Variants in AXDND1 observed in about 807,000 individuals in gnomAD.
AXDND1 encodes the protein axonemal dynein light chain domain containing 1.
In AXDND1, 110 loss-of-function variants were observed where a neutral mutation model predicts 137.5. The observed-to-expected ratio is 0.80, with a 90% confidence interval of 0.69 to 0.94. The LOEUF (loss-of-function observed/expected upper bound fraction) is 0.94. AXDND1 is among the 40% of genes least tolerant of loss of function. AXDND1 has a pLI of 0.00. For synonymous variants in AXDND1, 414 were observed against 399.7 expected (o/e 1.04, Z -0.43); for missense variants, 1,191 against 1,169.8 (o/e 1.02, Z -0.26).
At chr1:179,395,607 C>A (rs866443475) in intron 11 of AXDND1, among the ~76,000 whole-genome samples, 4 of 152,078 alleles carry the variant, frequency 2.6e-5, no homozygotes, top group Non-Finnish European at 5.9e-5. Context: ...ATATTACCTA[C>A]CTCATAGGTT....
Position 179,378,695 on chromosome 1 carries a change from G to A in AXDND1, c.433G>A (p.Val145Ile). Residue 145 changes from valine to isoleucine, a missense_variant, in exon 5 of 26, where the codon GTT (valine) becomes ATT (isoleucine). Physicochemically the swap from Val to Ile is conservative, Grantham distance 29. Transcript: ENST00000367618. The stretch of plus-strand genomic sequence containing the variant: ...CAAAGGACAGACTAGGGAGAAGGCA[G>A]TTTGTCCCCCACATTTGGCCCGTTC... ...YAKGQTREKA[V>I]CPPHLARSLQ... 2 of 1,600,246 alleles carry A rather than the reference G, an allele frequency of 1.2e-6. No homozygotes were observed. Among genetic ancestry groups the A allele is most frequent in the Non-Finnish European group, 1.7e-6 (2 of 1,171,800 alleles).
intron 21 of AXDND1, among the ~76,000 whole-genome samples, chr1:179,519,206 A>G (rs1210748786): frequency 6.6e-6 from 1 of 152,172 alleles, no homozygotes; most frequent in Non-Finnish European, 1.5e-5. Flanking sequence ...CTGTCTGTTC[A>G]TGTCCTTTGC....
chr1:179,436,061 A>G (rs1458034380), intron 15 of AXDND1, among the ~76,000 whole-genome samples: 1 of 152,216 alleles, frequency 6.6e-6, no homozygotes, highest in Non-Finnish European at 1.5e-5. Flanking sequence ...AAAAGAAGAC[A>G]TTTATGTGGC....
intron 21 of AXDND1, among the ~76,000 whole-genome samples, chr1:179,519,157 T>G (rs1386967010): frequency 6.6e-6 from 1 of 152,272 alleles, no homozygotes; most frequent in Non-Finnish European, 1.5e-5. Context: ...TTGAGCTTTT[T>G]CTCATATGAT....
intron 25 of AXDND1, chr1:179,548,781 C>T (rs552843617): frequency 5.3e-5 from 8 of 152,274 alleles, no homozygotes; most frequent in African/African-American, 1.2e-4. Context: ...AACTGCAGAG[C>T]GCCCATTGCA....
At chr1:179,385,426 A>G (rs1445239560) in intron 9 of AXDND1, 67 bp downstream of exon 9, 5 of 1,568,052 alleles carry the variant, frequency 3.2e-6, no homozygotes, top group Non-Finnish European at 4.4e-6. Flanking sequence ...CTTTATATCT[A>G]CTTTTGAGAA....
chr1:179,444,870 C>T (rs1255717894), intron 15 of AXDND1, 100 bp from the exon 16 acceptor site: 1 of 733,514 alleles, frequency 1.4e-6, no homozygotes, highest in African/African-American at 1.8e-5. Context: ...ATATGCAACT[C>T]CAAAATAATT....
chr1:179,375,581 TAC>T (rs1668527634), intron 4 of AXDND1, among the ~76,000 whole-genome samples: 1 of 148,366 alleles, frequency 6.7e-6, no homozygotes, highest in African/African-American at 2.5e-5. Context: ...TACATATATG[TAC>T]ATATATGTAT....
intron 11 of AXDND1, among the ~76,000 whole-genome samples, chr1:179,396,748 A>G (rs1195354396): frequency 1.3e-5 from 2 of 152,216 alleles, no homozygotes; most frequent in African/African-American, 2.4e-5. Flanking sequence ...CTGCACTATA[A>G]TATTAACCAT....
At chr1:179,446,656 T>A (rs190860947) in intron 16 of AXDND1, among the ~76,000 whole-genome samples, 1 of 152,238 alleles carries the variant, frequency 6.6e-6, no homozygotes, top group Non-Finnish European at 1.5e-5. Flanking sequence ...AAAACACCCT[T>A]TCACATACTC....
chr1:179,463,740 T>C lies in AXDND1; in HGVS notation c.1799-4703T>C, dbSNP rs140002506. Among the ~76,000 whole-genome samples, 687 of 152,264 alleles carry C rather than the reference T, an allele frequency of 4.5e-3. 4 individuals are homozygous for C. The highest frequency in any genetic ancestry group is 0.015 in the African/African-American group (631 of 41,564). On this transcript the variant is annotated intron_variant, in intron 16 of 25. Transcript: ENST00000367618. ...GGGGTGTTAAAGTCTCCCATTATTA[T>C]TGTGTGGGAGTCTAAGTCTCTTTGT...
At chr1:179,518,378 C>CT (rs1221082916) in intron 21 of AXDND1, among the ~76,000 whole-genome samples, 7 of 126,824 alleles carry the variant, frequency 5.5e-5, no homozygotes, top group African/African-American at 1.9e-4. Flanking sequence ...GATACATTTT[C>CT]CTTTTTCTTT....
At chr1:179,473,860 T>G (rs2125502213) in intron 17 of AXDND1, among the ~76,000 whole-genome samples, 1 of 152,304 alleles carries the variant, frequency 6.6e-6, no homozygotes, top group African/African-American at 2.4e-5. Flanking sequence ...ATTGTAAGTT[T>G]TGTAAGTTTC....
intron 16 of AXDND1, among the ~76,000 whole-genome samples, chr1:179,467,300 C>A (rs1308369701): frequency 2.6e-5 from 4 of 152,036 alleles, no homozygotes; most frequent in Non-Finnish European, 5.9e-5. Context: ...TTTTCTATGG[C>A]AGCAATAATA....
At chr1:179,411,849 CTT>C (rs11298765) in intron 12 of AXDND1, among the ~76,000 whole-genome samples, 1 of 150,676 alleles carries the variant, frequency 6.6e-6, no homozygotes, top group Non-Finnish European at 1.5e-5. Flanking sequence ...CTCTGATTCT[CTT>C]TTTTTTTTAA....
intron 21 of AXDND1, among the ~76,000 whole-genome samples, 195 bp downstream of exon 21, chr1:179,509,598 C>T (rs910782816): frequency 2.0e-5 from 3 of 152,100 alleles, no homozygotes; most frequent in African/African-American, 4.8e-5. Flanking sequence ...CAGCATTTTG[C>T]GTCATGTTTT....
intron 6 of AXDND1, 96 bp from the exon 7 acceptor site, chr1:179,382,604 A>T: frequency 1.2e-6 from 1 of 804,728 alleles, no homozygotes; most frequent in Non-Finnish European, 2.1e-6. Context: ...GGAGAATGGT[A>T]CTTAGAAACC....
rs1158322991 is a variant in AXDND1, at chr1:179,492,839, T to C, written c.2292-16T>C. 3 of 1,549,362 alleles carry C rather than the reference T, an allele frequency of 1.9e-6. No homozygotes were observed. Among genetic ancestry groups the C allele is most frequent in the African/African-American group, 2.8e-5 (2 of 72,358 alleles). On this transcript the variant is annotated splice_polypyrimidine_tract_variant and intron_variant, in intron 19 of 25. Coordinates refer to ENST00000367618, the MANE Select transcript of AXDND1 (RefSeq NM_144696.6). Reference sequence around the variant, plus strand: ...ATTTGCTCTTTTTCTTTTTCTTTTTTTCCCCCTTTTTGCAGTTGTTGCAAA... The same window carrying C: ...ATTTGCTCTTTTTCTTTTTCTTTTTCTCCCCCTTTTTGCAGTTGTTGCAAA...
intron 6 of AXDND1, among the ~76,000 whole-genome samples, chr1:179,381,007 C>T (rs1483426761): frequency 1.3e-5 from 2 of 150,678 alleles, no homozygotes; most frequent in Non-Finnish European, 3.0e-5. Context: ...TTCCTAACAA[C>T]CCATTAGTTA....
Sources: allele counts gnomAD v4.1 joint callset (sites outside exome capture counted in the v4.1 genomes callset), GRCh38; gene constraint gnomAD v4.1.1; transcripts MANE v1.5; gene names NCBI Gene and HGNC (gene_info 2026-07-23, HGNC 2026-07-21).